DLC1: variants seen among roughly 807,000 people sequenced by gnomAD.
The protein encoded by DLC1 is rho GTPase-activating protein 7.
A neutral mutation model predicts 140.3 loss-of-function variants in DLC1; 54 were observed. That is an observed-to-expected ratio of 0.38 (90% CI 0.31 to 0.48). The LOEUF (loss-of-function observed/expected upper bound fraction) is 0.48, where lower values mean the gene tolerates loss of function less well. Among genes scored for constraint, DLC1 ranks in the 20% least tolerant of loss-of-function variants. The probability of loss-of-function intolerance (pLI) is 0.96; values close to 1 mark genes in which losing one functional copy is unlikely to be tolerated. For missense variants in DLC1, 2,536 were observed against 1,907.0 expected (o/e 1.33, Z -6.14); for synonymous variants, 986 against 728.1 (o/e 1.35, Z -5.70).
At chr8:13,207,890 T>C (rs552504593) in intron 5 of DLC1, among the ~76,000 whole-genome samples, 3 of 152,290 alleles carry the variant, frequency 2.0e-5, no homozygotes, top group African/African-American at 7.2e-5. Flanking sequence ...ATGATATACA[T>C]AGTGTGTACT....
At chr8:13,453,111 G>A (rs1207478065) in intron 2 of DLC1, among the ~76,000 whole-genome samples, 9 of 151,270 alleles carry the variant, frequency 5.9e-5, no homozygotes, top group Non-Finnish European at 1.3e-4. Flanking sequence ...AAGACAGAAT[G>A]AGCATCTTCA....
rs150515564 is a variant in DLC1, at chr8:13,271,288, G to A, written c.1348+33981C>T. On this transcript the variant is annotated intron_variant, in intron 5 of 17. Coordinates refer to ENST00000276297, the MANE Select transcript of DLC1 (RefSeq NM_182643.3). ...GGCCTACATCACTCATGGTTAAAAGGCATTACATATGCCCTTACTTGCTTT... is the reference window on the plus strand; with the variant it reads ...GGCCTACATCACTCATGGTTAAAAGACATTACATATGCCCTTACTTGCTTT... Among the ~76,000 whole-genome samples, 901 of 152,308 alleles carry A rather than the reference G, an allele frequency of 5.9e-3. 7 individuals carry two copies. The highest frequency in any genetic ancestry group is 8.8e-3 in the Non-Finnish European group (597 of 68,012).
intron 1 of DLC1, among the ~76,000 whole-genome samples, chr8:13,599,947 T>C (rs1805816632): frequency 6.6e-6 from 1 of 151,996 alleles, no homozygotes; most frequent in South Asian, 2.1e-4. Flanking sequence ...TTGAACAGTA[T>C]CATTCAGGTT....
At position 13,540,170 on chromosome 8, in the gene DLC1, T is replaced by C. The variant is rs112265569; in HGVS notation, c.-125-39974A>G. On this transcript the variant is annotated intron_variant, in intron 1 of 1. Transcript: ENST00000631382. ...TTATAATGGGATGGCAAGTATGGGA[T>C]ATTGAAAAACACAGGTATCAGAAAT... Among the ~76,000 whole-genome samples, 48 of 152,304 alleles carry C rather than the reference T, an allele frequency of 3.2e-4. 1 individual carries two copies. Among genetic ancestry groups the C allele is most frequent in the African/African-American group, 1.0e-3 (43 of 41,574 alleles).
chr8:13,209,614 C>A (rs760025200), intron 5 of DLC1, among the ~76,000 whole-genome samples: 1 of 151,994 alleles, frequency 6.6e-6, no homozygotes, highest in Non-Finnish European at 1.5e-5. Context: ...GTGGAGTGTT[C>A]GGGTCTTGGG....
At chr8:13,356,367 C>G (rs1175196618) in intron 4 of DLC1, among the ~76,000 whole-genome samples, 1 of 152,120 alleles carries the variant, frequency 6.6e-6, no homozygotes, top group Non-Finnish European at 1.5e-5. Context: ...TGTCCACATT[C>G]CTCAGAAAGA....
intron 2 of DLC1, among the ~76,000 whole-genome samples, chr8:13,460,010 A>G (rs1201159382): frequency 6.6e-6 from 1 of 152,038 alleles, no homozygotes; most frequent in Non-Finnish European, 1.5e-5. Flanking sequence ...GTTCAATTGA[A>G]TTATTTCATC....
chr8:13,518,231 C>G (rs945700829), upstream of DLC1, among the ~76,000 whole-genome samples: 3 of 152,076 alleles, frequency 2.0e-5, no homozygotes, highest in East Asian at 5.8e-4. Context: ...GCCTCCATCT[C>G]CTGACTAGCT....
intron 4 of DLC1, among the ~76,000 whole-genome samples, chr8:13,391,775 G>A (rs1489325793): frequency 6.6e-6 from 1 of 151,982 alleles, no homozygotes; most frequent in African/African-American, 2.4e-5. Flanking sequence ...GAGAGAAAGT[G>A]GATACCACCA....
intron 2 of DLC1, among the ~76,000 whole-genome samples, chr8:13,433,403 G>C (rs1381125607): frequency 1.3e-5 from 2 of 152,126 alleles, no homozygotes; most frequent in Non-Finnish European, 2.9e-5. Context: ...GGTAGTTACA[G>C]ATCAAGAAAA....
chr8:13,436,325 T>C (rs969117457), intron 2 of DLC1, among the ~76,000 whole-genome samples: 1 of 152,252 alleles, frequency 6.6e-6, no homozygotes, highest in Non-Finnish European at 1.5e-5. Flanking sequence ...TTTTCCTTTA[T>C]TATTAGTCCA....
chr8:13,379,659 C>A (rs895415214), intron 4 of DLC1, among the ~76,000 whole-genome samples: 1 of 152,084 alleles, frequency 6.6e-6, no homozygotes, highest in East Asian at 1.9e-4. Context: ...TATTTTACTT[C>A]AAGTTCTGGG....
chr8:13,552,177 G>A (rs1422467112), intron 1 of DLC1, among the ~76,000 whole-genome samples: 2 of 110,130 alleles, frequency 1.8e-5, no homozygotes, highest in East Asian at 2.9e-4. Context: ...CTGTCTAGAG[G>A]TGTATATATA....
chr8:13,192,640 G>T (rs1337599024), intron 5 of DLC1, among the ~76,000 whole-genome samples: 3 of 152,156 alleles, frequency 2.0e-5, no homozygotes, highest in African/African-American at 4.8e-5. Flanking sequence ...ATATTTTGAA[G>T]TCTCAACTCC....
At chr8:13,249,567 A>G (rs556159588) in intron 5 of DLC1, among the ~76,000 whole-genome samples, 1 of 152,122 alleles carries the variant, frequency 6.6e-6, no homozygotes, top group Non-Finnish European at 1.5e-5. Flanking sequence ...CCTTTCACAC[A>G]GTCTTCTGAA....
intron 4 of DLC1, among the ~76,000 whole-genome samples, chr8:13,355,943 A>G (rs1289698739): frequency 6.6e-6 from 1 of 151,740 alleles, no homozygotes; most frequent in Non-Finnish European, 1.5e-5. Context: ...CAAAAAAATT[A>G]GCCAGGCATA....
At chr8:13,536,807 A>G (rs890699770) in intron 1 of DLC1, among the ~76,000 whole-genome samples, 3 of 152,154 alleles carry the variant, frequency 2.0e-5, no homozygotes, top group Non-Finnish European at 2.9e-5. Flanking sequence ...TATTTAGAGA[A>G]TCTTCAATCT....
intron 4 of DLC1, among the ~76,000 whole-genome samples, chr8:13,374,427 A>G (rs1835872450): frequency 6.6e-6 from 1 of 152,158 alleles, no homozygotes; most frequent in South Asian, 2.1e-4. Context: ...ATATGGTGGA[A>G]GGCATTACAT....
intron 1 of DLC1, among the ~76,000 whole-genome samples, chr8:13,569,957 C>G (rs1804589143): frequency 6.6e-6 from 1 of 152,176 alleles, no homozygotes; most frequent in South Asian, 2.1e-4. Flanking sequence ...AATTCCTGAG[C>G]TCAAGCAATC....
Sources: allele counts gnomAD v4.1 joint callset (sites outside exome capture counted in the v4.1 genomes callset), GRCh38; gene constraint gnomAD v4.1.1; transcripts MANE v1.5; gene names NCBI Gene and HGNC (gene_info 2026-07-23, HGNC 2026-07-21).